The following MYO5C variants were observed in gnomAD, a reference collection of about 807,000 sequenced individuals.
MYO5C encodes unconventional myosin-Vc.
A neutral mutation model predicts 235.7 loss-of-function variants in MYO5C; 194 were observed. The ratio of observed to expected loss-of-function variants is 0.82; its 90% CI spans 0.73 to 0.93. The LOEUF (loss-of-function observed/expected upper bound fraction) is 0.93. MYO5C is among the 40% of genes least tolerant of loss of function. The pLI, the probability that MYO5C is intolerant of heterozygous loss-of-function variation, is 0.00. For missense variants in MYO5C, 2,038 were observed against 2,127.2 expected (o/e 0.96, Z 0.82); for synonymous variants, 707 against 754.8 (o/e 0.94, Z 1.04).
rs374857261 is a variant in MYO5C at position 52,250,298 on chromosome 15, A to G, written c.1662+1092T>C. Among the ~76,000 whole-genome samples, 895 of 138,324 alleles carry G rather than the reference A, an allele frequency of 6.5e-3. 7 individuals carry two copies. Among genetic ancestry groups the G allele is most frequent in the South Asian group, 0.027 (123 of 4,496 alleles). The allele number at this position is 138,324 out of a possible 152,430, so 90.7% of individuals were successfully genotyped here. On this transcript the variant is annotated intron_variant, in intron 13 of 40. Transcript: ENST00000261839. Reference sequence around the variant, plus strand: ...CACTCTGTCAGCCAGGCTGGAGTGCAGTGGCGTGATCTTGGCTCAATGCAA... The same window carrying G: ...CACTCTGTCAGCCAGGCTGGAGTGCGGTGGCGTGATCTTGGCTCAATGCAA...
chr15:52,230,004 C>T (rs903641537), intron 24 of MYO5C, among the ~76,000 whole-genome samples: 2 of 152,144 alleles, frequency 1.3e-5, no homozygotes, highest in African/African-American at 2.4e-5. Flanking sequence ...AGTCCTGGCT[C>T]CTTCCTCGTT....
chr15:52,254,973 A>G (rs2036550312), intron 11 of MYO5C, among the ~76,000 whole-genome samples: 2 of 150,230 alleles, frequency 1.3e-5, no homozygotes, highest in Non-Finnish European at 1.5e-5. Flanking sequence ...TTACAATGGA[A>G]TGAAATTTAA....
chr15:52,292,706 G>A lies in MYO5C; in HGVS notation c.27+2904C>T, dbSNP rs145399347. Among the ~76,000 whole-genome samples, 5 of 152,346 alleles carry A rather than the reference G, an allele frequency of 3.3e-5. No individual in the cohort carries two copies. The East Asian group carries it at 9.6e-4, about 29-fold the overall frequency. ...TCACTGAAAGCTCTTGGTCAATAGT[G>A]GAGACACAGAGTTCACGAGCTGTTA... On this transcript the variant is annotated intron_variant, in intron 1 of 40. Transcript: ENST00000261839.
intron 20 of MYO5C, among the ~76,000 whole-genome samples, chr15:52,240,087 C>G (rs1268031532): frequency 6.6e-6 from 1 of 152,182 alleles, no homozygotes; most frequent in African/African-American, 2.4e-5. Context: ...CATTCTAGAA[C>G]CCCCTGTCTC....
chr15:52,274,208 G>T (rs1415012993), intron 5 of MYO5C, among the ~76,000 whole-genome samples: 2 of 152,172 alleles, frequency 1.3e-5, no homozygotes, highest in Non-Finnish European at 2.9e-5. Flanking sequence ...GGAGTGTGCA[G>T]TCTAGTAGAG....
At position 52,244,490 on chromosome 15, in the gene MYO5C, T is replaced by C; in HGVS notation, c.2256A>G (p.Arg752=). The C allele has an allele frequency of 3.1e-6, 5 of 1,614,152 alleles. No individual in the cohort carries two copies. The highest frequency in any genetic ancestry group is 4.2e-6 in the Non-Finnish European group (5 of 1,180,030). Reference sequence around the variant, plus strand: ...CACAACTCTGCCTCAGTTTATCCAATCGAAGTTTCTCTAAATAAGCCACTT... The same window carrying C: ...CACAACTCTGCCTCAGTTTATCCAACCGAAGTTTCTCTAAATAAGCCACTT... ...AGQVAYLEKL[R]LDKLRQSCVM... Residue 752 remains arginine, a synonymous_variant, in exon 19 of 41, where the codon CGA becomes CGG. Coordinates refer to ENST00000261839, the MANE Select transcript of MYO5C (RefSeq NM_018728.4).
At position 52,251,413 on chromosome 15, in the gene MYO5C, C is replaced by A; in HGVS notation, c.1639G>T (p.Val547Phe). 6.3e-7 allele frequency: 1 copy of A among 1,596,950 alleles called. No individual in the cohort carries two copies. The highest frequency in any genetic ancestry group is 8.5e-7 in the Non-Finnish European group (1 of 1,170,198). The change falls in exon 13 of 41, where the codon GTC becomes TTC. Residue 547 changes from valine (V) to phenylalanine (F), a missense_variant. Val to Phe is a conservative substitution (Grantham distance 50). Coordinates refer to ENST00000261839, the MANE Select transcript of MYO5C (RefSeq NM_018728.4). ...ACCTTATCAGCAAAGTGCTGGATGACAAAGGATGTGTTTGACATTCTAGGC... is the reference window on the plus strand; with the variant it reads ...ACCTTATCAGCAAAGTGCTGGATGAAAAAGGATGTGTTTGACATTCTAGGC... ...EKPRMSNTSF[V>F]IQHFADKVEY...
chr15:52,232,785 G>T, intron 23 of MYO5C, 100 bp from the exon 24 acceptor site: 1 of 1,039,188 alleles, frequency 9.6e-7, no homozygotes, highest in Non-Finnish European at 1.5e-6. Flanking sequence ...ACAATCATGT[G>T]ATGTTTATTA....
In MYO5C at chr15:52,253,041, T is replaced by C. The variant is rs1056370704; in HGVS notation, c.1536+276A>G. Among the ~76,000 whole-genome samples the C allele has an allele frequency of 1.3e-4, 20 of 152,390 alleles. No individual in the cohort carries two copies. In the South Asian group the frequency reaches 1.5e-3, roughly 11 times the overall value. On this transcript the variant is annotated intron_variant, in intron 12 of 40. Transcript: ENST00000261839. ...TGAGTGGAGTCACTTGCTGTTTTCA[T>C]GCATGTTTCTACATACACTTTGGGA...
intron 9 of MYO5C, among the ~76,000 whole-genome samples, 189 bp from the exon 10 acceptor site, chr15:52,261,316 G>A (rs1856851848): frequency 6.6e-6 from 1 of 152,388 alleles, no homozygotes; most frequent in Middle Eastern, 3.4e-3. Context: ...AGCAGCACGG[G>A]TCCTGCACCT....
chr15:52,255,469 G>A (rs1039322986), intron 11 of MYO5C, among the ~76,000 whole-genome samples: 1 of 152,262 alleles, frequency 6.6e-6, no homozygotes, highest in Admixed American at 6.5e-5. Context: ...GGGAAAATGT[G>A]AGTTAGTAAA....
At chr15:52,196,771 A>G (rs1381720612) in intron 38 of MYO5C, among the ~76,000 whole-genome samples, 1 of 152,270 alleles carries the variant, frequency 6.6e-6, no homozygotes, top group Non-Finnish European at 1.5e-5. Context: ...AAAATTGATT[A>G]AAGGAAAGAA....
Position 52,264,177 on chromosome 15 carries a change from A to T in MYO5C, c.1047+13T>A, listed in dbSNP as rs753011438. The T allele has an allele frequency of 6.9e-6, 11 of 1,588,032 alleles. No individual in the cohort carries two copies. Among genetic ancestry groups the T allele is most frequent in the Non-Finnish European group, 8.6e-6 (10 of 1,157,716 alleles). ...CTTAGACAAAGGAAAAGTAAAACAA[A>T]TGAGCATCTCACACTAACTGAGGAC... On this transcript the variant is annotated intron_variant, in intron 9 of 40. Transcript: ENST00000261839.
At chr15:52,295,576 A>T in intron 1 of MYO5C, 34 bp downstream of exon 1, 1 of 1,500,390 alleles carries the variant, frequency 6.7e-7, no homozygotes, top group African/African-American at 1.5e-5. Flanking sequence ...CGGCTCCCCC[A>T]CAGCGCTCCC....
At chr15:52,275,015 C>T (rs1344007851) in intron 5 of MYO5C, among the ~76,000 whole-genome samples, 1 of 152,190 alleles carries the variant, frequency 6.6e-6, no homozygotes, top group Non-Finnish European at 1.5e-5. Flanking sequence ...GTCTCCTCAC[C>T]CCCCTGGGCA....
rs934924955 is a variant in MYO5C, at chr15:52,241,958, C to G, written c.2556+90G>C. The G allele has an allele frequency of 2.9e-6, 4 of 1,381,542 alleles. No individual in the cohort carries two copies. The African/African-American group carries it at 5.8e-5, about 20-fold the overall frequency. The allele number at this position is 1,381,542 out of a possible 1,614,324, so 85.6% of individuals were successfully genotyped here. On this transcript the variant is annotated intron_variant, in intron 20 of 40. Transcript: ENST00000261839. ...GACACTTTGTACAAAGTGAGGTTGC[C>G]CATAGTGAAGTCTTTCCCTGGGCCC...
chr15:52,248,622 T>C lies in MYO5C; in HGVS notation c.1746+78A>G, dbSNP rs185845171. ...CACACACACACTCTCTCTCTCTCTC[T>C]CCTTACTCTTTCCTTATATACATCT... On this transcript the variant is annotated intron_variant, in intron 14 of 40. Transcript: ENST00000261839. 8 of 1,009,838 alleles carry C rather than the reference T, an allele frequency of 7.9e-6. No individual in the cohort carries two copies. In the Admixed American group the frequency reaches 1.3e-4, roughly 16 times the overall value. 62.6% of individuals were successfully genotyped at this position (1,009,838 alleles called of 1,614,324 possible).
intron 38 of MYO5C, among the ~76,000 whole-genome samples, chr15:52,202,458 C>T (rs181906003): frequency 1.6e-4 from 25 of 152,260 alleles, no homozygotes; most frequent in African/African-American, 5.1e-4. Context: ...AGGTGTTCGC[C>T]TGTCCTCAAA....
chr15:52,265,067 A>T (rs1056443562), intron 8 of MYO5C: 6 of 151,942 alleles, frequency 3.9e-5, no homozygotes, highest in African/African-American at 1.5e-4. Context: ...CTCCACTCAC[A>T]CCTCTGCAGT....
Sources: gnomAD v4.1 joint callset for allele counts (sites outside exome capture counted in the v4.1 genomes callset) on GRCh38, gnomAD v4.1.1 for gene constraint, MANE v1.5 for transcripts, NCBI Gene and HGNC (gene_info 2026-07-23, HGNC 2026-07-21) for gene names.